PCDHGA5: variants seen among roughly 807,000 people sequenced by gnomAD.
PCDHGA5 encodes protocadherin gamma-A5.
Under a neutral mutation model 56.7 loss-of-function variants are expected in PCDHGA5, and 36 were observed. The observed-to-expected ratio is 0.64, with a 90% CI of 0.49 to 0.84. The LOEUF is 0.84. Among genes scored for constraint, PCDHGA5 ranks in the 40% least tolerant of loss-of-function variants. The pLI is 0.00. For synonymous variants in PCDHGA5, 563 were observed against 520.2 expected (o/e 1.08, Z -1.12); for missense variants, 1,305 against 1,201.5 (o/e 1.09, Z -1.27).
intron 1 of PCDHGA5, chr5:141,419,517 G>A: frequency 6.2e-7 from 1 of 1,612,224 alleles, no homozygotes; most frequent in South Asian, 1.1e-5. Context: ...GTGTTGGTGG[G>A]CGACCGTAAC....
In PCDHGA5 at chr5:141,389,617, A is replaced by G. The variant is rs375985151; in HGVS notation, c.2421+22866A>G. 179 of 1,612,924 alleles carry G rather than the reference A, an allele frequency of 1.1e-4. No individual in the cohort carries two copies. The Middle Eastern group carries it at 3.6e-3, about 32-fold the overall frequency. ...TCTGCGCTCTTCGATATGGTGCCGC[A>G]CGCTGCAGAGCCTGGCTACTTGGTG... is the stretch of plus-strand genomic sequence containing the variant. On this transcript the variant is annotated intron_variant, in intron 1 of 3. Transcript: ENST00000518069.
intron 1 of PCDHGA5, chr5:141,379,115 T>C (rs1775378962): frequency 6.6e-6 from 1 of 152,230 alleles, no homozygotes; most frequent in African/African-American, 2.4e-5. Context: ...ATTGAGAAGA[T>C]ACCTTGAAAA....
At chr5:141,372,542 A>G in intron 1 of PCDHGA5, 1 of 1,613,892 alleles carries the variant, frequency 6.2e-7, no homozygotes, top group Non-Finnish European at 8.5e-7. Context: ...TGCGCCTGCG[A>G]TGCTCCTCCA....
At chr5:141,430,652 A>G in intron 1 of PCDHGA5, 1 of 1,069,464 alleles carries the variant, frequency 9.4e-7, no homozygotes. Context: ...ATGTGGAAAC[A>G]ACGGAGGAGC....
chr5:141,399,527 T>A (rs781680585), intron 1 of PCDHGA5: 2 of 1,614,016 alleles, frequency 1.2e-6, no homozygotes, highest in East Asian at 2.2e-5. Context: ...GGGGCCTCCA[T>A]CGCGCAAGTC....
In PCDHGA5 at chr5:141,485,216, G is replaced by C. The variant is rs757059807; in HGVS notation, c.2422-9591G>C. On this transcript the variant is annotated intron_variant, in intron 1 of 3. Transcript: ENST00000518069. The surrounding 1 kb of genome is among the most constrained non-coding windows in gnomAD (Gnocchi z 5.7). ...AAGCTGGACAGAAATCTGGCGGTGG[G>C]CTACCCTTTTGTTCCTCTTTTACCA... 2.5e-6 allele frequency: 4 copies of C among 1,614,144 alleles called. No homozygotes were observed. In the South Asian group the frequency reaches 4.4e-5, roughly 18 times the overall value.
At chr5:141,413,330 T>C (rs770842309) in intron 1 of PCDHGA5, 1 of 1,613,930 alleles carries the variant, frequency 6.2e-7, no homozygotes. Context: ...GTGGGCAACA[T>C]CTCCAAGGAC....
chr5:141,397,298 T>C (rs140040192), intron 1 of PCDHGA5, among the ~76,000 whole-genome samples: 13 of 152,318 alleles, frequency 8.5e-5, no homozygotes, highest in African/African-American at 2.9e-4. Context: ...AATGAATATT[T>C]CCTGAAGTAG....
At chr5:141,398,544 G>A (rs1002395942) in intron 1 of PCDHGA5, 1 of 1,613,852 alleles carries the variant, frequency 6.2e-7, no homozygotes, top group Non-Finnish European at 8.5e-7. Flanking sequence ...ATTCCTTTGA[G>A]CTGCAAATAA....
rs1414795207 is a variant in PCDHGA5 at position 141,393,033 on chromosome 5, C to T, written c.2421+26282C>T. On this transcript the variant is annotated intron_variant, in intron 1 of 3. Transcript: ENST00000518069. ...TATCGTCTCCAGAGGTAGGACGCAG[C>T]TCTTTGCTCTGAACCCGCGCAGCGG... is the stretch of plus-strand genomic sequence containing the variant. 4.3e-6 allele frequency: 7 copies of T among 1,613,782 alleles called. No individual in the cohort carries two copies. The highest frequency in any genetic ancestry group is 4.0e-5 in the African/African-American group (3 of 75,052).
At chr5:141,433,237 A>G in intron 1 of PCDHGA5, 1 of 1,495,940 alleles carries the variant, frequency 6.7e-7, no homozygotes, top group South Asian at 1.3e-5. Flanking sequence ...TCTGTCTCCC[A>G]AGCTGGAATG....
intron 1 of PCDHGA5, among the ~76,000 whole-genome samples, chr5:141,459,691 C>T (rs754899227): frequency 3.9e-5 from 6 of 152,158 alleles, no homozygotes; most frequent in East Asian, 1.9e-4. Flanking sequence ...TAAAGCGTTC[C>T]GCTTGCTACA....
intron 1 of PCDHGA5, among the ~76,000 whole-genome samples, chr5:141,465,031 C>T (rs933448980): frequency 1.3e-5 from 2 of 151,958 alleles, no homozygotes; most frequent in Non-Finnish European, 1.5e-5. Context: ...CATGAACCAC[C>T]ACAAATGACC....
intron 1 of PCDHGA5, chr5:141,479,399 T>C (rs2099494765): frequency 6.6e-6 from 1 of 152,576 alleles, no homozygotes; most frequent in African/African-American, 2.4e-5. Flanking sequence ...AGTTCTGGGC[T>C]GTGGTGCACT....
In PCDHGA5 at chr5:141,365,440, C is replaced by A. The variant is rs1454096579; in HGVS notation, c.1110C>A (p.Ser370Arg). Residue 370 changes from serine to arginine, a missense_variant, in exon 1 of 4, where the codon AGC (serine) becomes AGA (arginine). Transcript: ENST00000518069. ...CLPGTVIALF[S>R]VHDGDSGENG... Reference sequence around the variant, plus strand: ...CCGGAACTGTAATCGCGCTGTTTAGCGTACATGATGGTGATTCTGGAGAAA... The same window carrying A: ...CCGGAACTGTAATCGCGCTGTTTAGAGTACATGATGGTGATTCTGGAGAAA... 5.0e-6 allele frequency: 8 copies of A among 1,613,836 alleles called. No homozygotes were observed. The Admixed American group carries it at 6.7e-5, about 13-fold the overall frequency.
Position 141,485,094 on chromosome 5 carries a change from C to A in PCDHGA5, c.2422-9713C>A. ...GGCGCGGGGAAAGGGAGATAGGTGT[C>A]TCCAGCTGCTGTGGCTGTTTGGGGC... On this transcript the variant is annotated intron_variant, in intron 1 of 3. Coordinates refer to ENST00000518069, the MANE Select transcript of PCDHGA5 (RefSeq NM_018918.3). The surrounding 1 kb of genome is among the most constrained non-coding windows in gnomAD (Gnocchi z 5.7). 9.1e-7 allele frequency: 1 copy of A among 1,100,766 alleles called. No individual in the cohort carries two copies. Among genetic ancestry groups the A allele is most frequent in the Non-Finnish European group, 1.4e-6 (1 of 736,922 alleles). The allele number at this position is 1,100,766 out of a possible 1,614,324, so 68.2% of individuals were successfully genotyped here. A position where few individuals can be genotyped will look rare whatever the true frequency, so the allele number is the denominator to read the frequency against.
chr5:141,423,760 G>T, intron 1 of PCDHGA5: 23 of 279,644 alleles, frequency 8.2e-5, no homozygotes, highest in South Asian at 2.0e-4. Flanking sequence ...TGGGGGGGGG[G>T]TGGGGCGGCA....
intron 3 of PCDHGA5, among the ~76,000 whole-genome samples, chr5:141,510,584 C>T (rs2099881791): frequency 1.3e-5 from 2 of 152,184 alleles, no homozygotes. Flanking sequence ...TTTTACGTAC[C>T]TGACATACAT....
Position 141,431,829 on chromosome 5 carries a change from C to T in PCDHGA5, c.2422-62978C>T, listed in dbSNP as rs758915768. On this transcript the variant is annotated intron_variant, in intron 1 of 3. Transcript: ENST00000518069. The surrounding 1 kb of genome is among the most constrained non-coding windows in gnomAD (Gnocchi z 4.8). ...CTCACCTCTCTCGCCAGCTCGGTTC[C>T]CGAAAACTCTCCCAGAGGGACATTA... The T allele has an allele frequency of 1.9e-6, 3 of 1,613,928 alleles. No individual in the cohort carries two copies. The highest frequency in any genetic ancestry group is 2.2e-5 in the South Asian group (2 of 91,090).
Sources: gnomAD v4.1 joint callset for allele counts (sites outside exome capture counted in the v4.1 genomes callset) on GRCh38, gnomAD v4.1.1 for gene constraint, Gnocchi (gnomAD v3.1) non-coding constraint, MANE v1.5 for transcripts, NCBI Gene and HGNC (gene_info 2026-07-23, HGNC 2026-07-21) for gene names.